NKAIN2: variants seen among roughly 807,000 people sequenced by gnomAD.
The protein encoded by NKAIN2 is sodium/potassium-transporting ATPase subunit beta-1-interacting protein 2.
Under a neutral mutation model 32.6 loss-of-function variants are expected in NKAIN2, and 14 were observed. The observed-to-expected ratio is 0.43, with a 90% CI of 0.28 to 0.67. The LOEUF (loss-of-function observed/expected upper bound fraction) is 0.67, where lower values mean the gene tolerates loss of function less well. Among genes scored for constraint, NKAIN2 ranks in the 30% least tolerant of loss-of-function variants. The pLI, the probability that NKAIN2 is intolerant of heterozygous loss-of-function variation, is 0.17. For missense variants in NKAIN2, 198 were observed against 258.3 expected (o/e 0.77, Z 1.60); for synonymous variants, 80 against 87.2 (o/e 0.92, Z 0.46).
chr6:123,911,789 A>ATG (rs1231993341), intron 1 of NKAIN2, among the ~76,000 whole-genome samples: 1,821 of 112,038 alleles, frequency 0.016, 124 homozygotes, highest in African/African-American at 0.04. Flanking sequence ...ATACATATAT[A>ATG]TATATATATA....
At chr6:123,829,298 C>T (rs1306585515) in intron 1 of NKAIN2, 5 of 152,154 alleles carry the variant, frequency 3.3e-5, no homozygotes, top group Non-Finnish European at 5.9e-5. Context: ...CTCCCTTGAG[C>T]TCTAGGTCTA....
intron 3 of NKAIN2, among the ~76,000 whole-genome samples, chr6:124,542,276 T>G (rs1056575592): frequency 7.2e-5 from 11 of 152,294 alleles, no homozygotes; most frequent in Admixed American, 2.6e-4. Flanking sequence ...CTAGAAATGC[T>G]TGTTATCTCT....
chr6:124,058,430 C>T (rs1265713186), intron 1 of NKAIN2, among the ~76,000 whole-genome samples: 1 of 151,954 alleles, frequency 6.6e-6, no homozygotes, highest in Non-Finnish European at 1.5e-5. Context: ...ATTTAGCCAT[C>T]TATTAGTTCA....
At chr6:124,752,812 A>G (rs6909294) in intron 4 of NKAIN2, among the ~76,000 whole-genome samples, 80,789 of 151,886 alleles carry the variant, frequency 0.53, 21,798 homozygotes, top group East Asian at 0.7. Context: ...AATGAATTCT[A>G]TTTTTGAAAT....
chr6:124,304,980 G>A (rs558537415), intron 2 of NKAIN2, among the ~76,000 whole-genome samples: 277 of 152,142 alleles, frequency 1.8e-3, no homozygotes, highest in South Asian at 5.6e-3. Flanking sequence ...ATAATGTCAG[G>A]AATTGTAGAA....
intron 1 of NKAIN2, among the ~76,000 whole-genome samples, chr6:124,006,167 G>A (rs1302323555): frequency 6.6e-6 from 1 of 152,192 alleles, no homozygotes; most frequent in Non-Finnish European, 1.5e-5. Flanking sequence ...GAAGACTTGA[G>A]AAATGAGATG....
At chr6:124,481,413 C>A (rs1408103213) in intron 3 of NKAIN2, among the ~76,000 whole-genome samples, 1 of 151,958 alleles carries the variant, frequency 6.6e-6, no homozygotes, top group Non-Finnish European at 1.5e-5. Flanking sequence ...GATATTATTA[C>A]TCTCTACAAA....
At chr6:124,469,443 C>T (rs1776887833) in intron 3 of NKAIN2, among the ~76,000 whole-genome samples, 1 of 152,106 alleles carries the variant, frequency 6.6e-6, no homozygotes, top group Non-Finnish European at 1.5e-5. Context: ...TTATATGACT[C>T]AATCTGTACA....
chr6:124,679,195 T>A (rs1773504307), intron 4 of NKAIN2, among the ~76,000 whole-genome samples: 2 of 152,178 alleles, frequency 1.3e-5, no homozygotes, highest in African/African-American at 4.8e-5. Flanking sequence ...ACTCTTTCCC[T>A]CCCCTGGAAG....
At chr6:124,384,869 C>T (rs1350199794) in intron 3 of NKAIN2, among the ~76,000 whole-genome samples, 7 of 152,228 alleles carry the variant, frequency 4.6e-5, no homozygotes, top group African/African-American at 7.2e-5. Context: ...ATGATCCACC[C>T]GCTTCAGCCT....
chr6:124,686,889 T>A (rs1773912083), intron 4 of NKAIN2, among the ~76,000 whole-genome samples: 1 of 152,104 alleles, frequency 6.6e-6, no homozygotes, highest in African/African-American at 2.4e-5. Flanking sequence ...ACACCCTTCA[T>A]CTGATGGGAC....
At chr6:124,419,533 AT>A (rs1774650842) in intron 3 of NKAIN2, among the ~76,000 whole-genome samples, 1 of 152,162 alleles carries the variant, frequency 6.6e-6, no homozygotes, top group Non-Finnish European at 1.5e-5. Flanking sequence ...TGAATTCCAA[AT>A]TTCACACCAG....
intron 3 of NKAIN2, among the ~76,000 whole-genome samples, chr6:124,420,747 G>T (rs1013498732): frequency 1.3e-5 from 2 of 152,060 alleles, no homozygotes; most frequent in Non-Finnish European, 2.9e-5. Context: ...GTCAAAGGAT[G>T]AGGTTGTGTT....
intron 1 of NKAIN2, among the ~76,000 whole-genome samples, chr6:124,279,286 T>C (rs1433071576): frequency 6.6e-6 from 1 of 151,928 alleles, no homozygotes; most frequent in African/African-American, 2.4e-5. Context: ...CGTGGGCCGA[T>C]CATGAGGTCA....
At chr6:124,795,872 G>C (rs938491188) in intron 5 of NKAIN2, among the ~76,000 whole-genome samples, 2 of 152,120 alleles carry the variant, frequency 1.3e-5, no homozygotes, top group Admixed American at 6.5e-5. Context: ...CATTACATTG[G>C]TGATTATGTT....
At chr6:124,258,922 T>C (rs531705081) in intron 1 of NKAIN2, among the ~76,000 whole-genome samples, 1 of 152,334 alleles carries the variant, frequency 6.6e-6, no homozygotes, top group East Asian at 1.9e-4. Flanking sequence ...GCAGTGGATG[T>C]TCCTCCAATT....
At chr6:123,819,729 G>T (rs1442473005) in intron 1 of NKAIN2, among the ~76,000 whole-genome samples, 1 of 152,156 alleles carries the variant, frequency 6.6e-6, no homozygotes, top group African/African-American at 2.4e-5. Flanking sequence ...CCAGTAAAGA[G>T]ATGTTAAAGG....
At chr6:124,599,068 C>CA (rs1414551395) in intron 3 of NKAIN2, among the ~76,000 whole-genome samples, 2 of 133,590 alleles carry the variant, frequency 1.5e-5, no homozygotes, top group African/African-American at 2.8e-5. Context: ...GTAGTTTTTT[C>CA]AAAAACCGAA....
intron 3 of NKAIN2, among the ~76,000 whole-genome samples, chr6:124,379,156 AG>A (rs1390341318): frequency 1.2e-4 from 4 of 34,202 alleles, no homozygotes; most frequent in African/African-American, 3.2e-4. Context: ...GGAGGGAGGG[AG>A]GGGAGGGGAG....
Sources: allele counts gnomAD v4.1 joint callset (sites outside exome capture counted in the v4.1 genomes callset), GRCh38; gene constraint gnomAD v4.1.1; transcripts MANE v1.5; gene names NCBI Gene and HGNC (gene_info 2026-07-23, HGNC 2026-07-21).